DISC1: variants seen among roughly 807,000 people sequenced by gnomAD.
DISC1 encodes disrupted in schizophrenia 1 protein.
A neutral mutation model predicts 84.5 loss-of-function variants in DISC1; 57 were observed. The ratio of observed to expected loss-of-function variants is 0.67; its 90% CI spans 0.55 to 0.84. The LOEUF (loss-of-function observed/expected upper bound fraction) is 0.84. Ranked by LOEUF, DISC1 falls within the 40% of genes least tolerant of loss-of-function variation. The pLI is 0.00. For synonymous variants in DISC1, 411 were observed against 415.2 expected, an observed-to-expected ratio of 0.99 and a Z score of 0.12; for missense variants, 1,000 against 1,057.8, an observed-to-expected ratio of 0.95 and a Z score of 0.76.
chr1:231,761,568 A>C (rs1206753595), intron 4 of DISC1, among the ~76,000 whole-genome samples: 1 of 152,166 alleles, frequency 6.6e-6, no homozygotes, highest in Non-Finnish European at 1.5e-5. Context: ...TTAAGTAATG[A>C]ATGTGATTAA....
intron 4 of DISC1, among the ~76,000 whole-genome samples, chr1:231,758,075 T>A (rs549667813): frequency 1.3e-5 from 2 of 152,084 alleles, no homozygotes; most frequent in Admixed American, 1.3e-4. Context: ...CACTGTTTTT[T>A]TTTTTCTTTT....
intron 1 of DISC1, among the ~76,000 whole-genome samples, chr1:231,678,360 A>G (rs2063357585): frequency 6.6e-6 from 1 of 152,182 alleles, no homozygotes; most frequent in South Asian, 2.1e-4. Flanking sequence ...GCAGGCGGGC[A>G]GCTCTGTGTG....
intron 9 of DISC1, among the ~76,000 whole-genome samples, chr1:231,836,325 T>C (rs1027515210): frequency 6.6e-6 from 1 of 152,150 alleles, no homozygotes; most frequent in African/African-American, 2.4e-5. Context: ...CTGTGGCCCT[T>C]GAAGCTGCAG....
intron 10 of DISC1, among the ~76,000 whole-genome samples, chr1:231,996,680 A>G (rs1196795816): frequency 6.6e-6 from 1 of 152,180 alleles, no homozygotes; most frequent in Non-Finnish European, 1.5e-5. Flanking sequence ...CATTCCCCAT[A>G]GAAAACCCCA....
At chr1:231,750,179 G>A in intron 4 of DISC1, 103 bp downstream of exon 4, 1 of 1,491,650 alleles carries the variant, frequency 6.7e-7, no homozygotes, top group Non-Finnish European at 8.9e-7. Flanking sequence ...GAGACCCTTG[G>A]CTGCCTTTCC....
chr1:231,951,918 A>T (rs1572291444), intron 9 of DISC1, among the ~76,000 whole-genome samples: 1 of 151,996 alleles, frequency 6.6e-6, no homozygotes, highest in East Asian at 1.9e-4. Context: ...AATTAAAAAA[A>T]AAATTAGCTG....
At chr1:231,959,323 T>C (rs1384375363) in intron 10 of DISC1, 7 of 985,668 alleles carry the variant, frequency 7.1e-6, no homozygotes, top group Non-Finnish European at 7.2e-6. Flanking sequence ...AAAACCAGCA[T>C]GAAAATTTCT....
At chr1:231,739,012 C>G (rs2125247988) in intron 3 of DISC1, among the ~76,000 whole-genome samples, 1 of 152,320 alleles carries the variant, frequency 6.6e-6, no homozygotes, top group Non-Finnish European at 1.5e-5. Context: ...CCCAGGAGCT[C>G]TGGTTCCTTG....
intron 10 of DISC1, among the ~76,000 whole-genome samples, chr1:231,989,857 C>T (rs145436419): frequency 1.8e-4 from 28 of 152,256 alleles, no homozygotes; most frequent in Non-Finnish European, 2.8e-4. Context: ...GAAACACATG[C>T]GCACCGAGTT....
At chr1:232,011,176 A>G (rs1009409369) in intron 11 of DISC1, among the ~76,000 whole-genome samples, 4 of 152,112 alleles carry the variant, frequency 2.6e-5, no homozygotes, top group Admixed American at 2.0e-4. Context: ...CATTATAAGC[A>G]CCTGTCAATT....
chr1:232,029,290 A>C (rs1209643710), intron 12 of DISC1, among the ~76,000 whole-genome samples: 3 of 152,228 alleles, frequency 2.0e-5, no homozygotes, highest in African/African-American at 7.2e-5. Context: ...ACTGATTGAG[A>C]ATAAATACAC....
intron 1 of DISC1, among the ~76,000 whole-genome samples, chr1:231,678,815 G>A (rs1157745803): frequency 2.6e-5 from 4 of 152,154 alleles, no homozygotes; most frequent in Middle Eastern, 3.4e-3. Context: ...ACAGGCGCCC[G>A]CCACCACGCC....
rs2058286818 is a variant in DISC1 at position 231,626,853 on chromosome 1, C to T, written c.-15C>T. ...GGCAGCCCAGGCGGAGCGGGAGGAGCTGGCAGCGGGGCGCATGCCAGGCGG... is the reference window on the plus strand; with the variant it reads ...GGCAGCCCAGGCGGAGCGGGAGGAGTTGGCAGCGGGGCGCATGCCAGGCGG... On this transcript the variant is annotated 5_prime_UTR_variant, in exon 1 of 13. Transcript: ENST00000439617. 1 of 1,442,684 alleles carries T rather than the reference C, an allele frequency of 6.9e-7. No individual in the cohort carries two copies. Among genetic ancestry groups the T allele is most frequent in the East Asian group, 2.7e-5 (1 of 36,784 alleles). 89.4% of individuals were successfully genotyped at this position (1,442,684 alleles called of 1,614,324 possible).
At chr1:231,884,247 A>G (rs978277978) in intron 9 of DISC1, among the ~76,000 whole-genome samples, 3 of 152,196 alleles carry the variant, frequency 2.0e-5, no homozygotes, top group African/African-American at 7.2e-5. Flanking sequence ...GGTATTTGAT[A>G]ACATTTGTTA....
intron 10 of DISC1, among the ~76,000 whole-genome samples, chr1:231,962,330 G>T (rs1016398707): frequency 2.6e-5 from 4 of 152,164 alleles, no homozygotes; most frequent in Admixed American, 2.0e-4. Context: ...TCTGTAGGTT[G>T]TCTGTTTACT....
intron 11 of DISC1, among the ~76,000 whole-genome samples, chr1:232,021,925 G>A (rs1175262123): frequency 6.6e-6 from 1 of 152,140 alleles, no homozygotes; most frequent in Admixed American, 6.5e-5. Context: ...GGCTTTAGCT[G>A]AGGCTCTCAT....
intron 1 of DISC1, among the ~76,000 whole-genome samples, chr1:231,691,295 G>A (rs1377067128): frequency 2.0e-5 from 3 of 152,040 alleles, no homozygotes; most frequent in East Asian, 3.9e-4. Context: ...GCTGGGCGTG[G>A]TGGCAGGCAC....
chr1:231,737,442 TA>T (rs1468651049), intron 3 of DISC1, among the ~76,000 whole-genome samples: 1 of 152,258 alleles, frequency 6.6e-6, no homozygotes, highest in African/African-American at 2.4e-5. Flanking sequence ...ATGCTGGTCT[TA>T]AACCTTGAGC....
chr1:231,631,060 G>A (rs1381562776), intron 1 of DISC1, among the ~76,000 whole-genome samples: 2 of 152,090 alleles, frequency 1.3e-5, no homozygotes, highest in African/African-American at 4.8e-5. Context: ...ACATTATGGG[G>A]CTCCCTCCAG....
Sources: allele counts gnomAD v4.1 joint callset (sites outside exome capture counted in the v4.1 genomes callset), GRCh38; gene constraint gnomAD v4.1.1; transcripts MANE v1.5; gene names NCBI Gene and HGNC (gene_info 2026-07-23, HGNC 2026-07-21).